The following PPP2R2B variants were observed in gnomAD, a reference collection of about 807,000 sequenced individuals.
The protein encoded by PPP2R2B is protein phosphatase 2 regulatory subunit Bbeta.
A neutral mutation model predicts 46.0 loss-of-function variants in PPP2R2B; 5 were observed. That is an observed-to-expected ratio of 0.11 (90% CI 0.06 to 0.23). The LOEUF is 0.23. Ranked by LOEUF, PPP2R2B falls within the 10% of genes least tolerant of loss-of-function variation. PPP2R2B has a pLI of 1.00. For synonymous variants in PPP2R2B, 215 were observed against 206.7 expected, an observed-to-expected ratio of 1.04 and a Z score of -0.34; for missense variants, 367 against 575.0, an observed-to-expected ratio of 0.64 and a Z score of 3.70.
chr5:146,835,778 A>C (rs1386045964), intron 2 of PPP2R2B, among the ~76,000 whole-genome samples: 1 of 152,162 alleles, frequency 6.6e-6, no homozygotes, highest in East Asian at 1.9e-4. Flanking sequence ...CATCATTTGT[A>C]AATAAGGCTG....
intron 1 of PPP2R2B, among the ~76,000 whole-genome samples, chr5:146,890,689 T>C (rs1047790484): frequency 1.3e-5 from 2 of 152,192 alleles, no homozygotes; most frequent in Non-Finnish European, 2.9e-5. Context: ...AAAATAATAA[T>C]ATTAAACATC....
intron 2 of PPP2R2B, among the ~76,000 whole-genome samples, chr5:146,796,435 C>G (rs1561913926): frequency 6.6e-6 from 1 of 152,286 alleles, no homozygotes; most frequent in East Asian, 1.9e-4. Flanking sequence ...TCTGACTGCT[C>G]TAGTAGCTAC....
chr5:146,996,877 C>T (rs1227576785), intron 1 of PPP2R2B, among the ~76,000 whole-genome samples: 2 of 152,112 alleles, frequency 1.3e-5, no homozygotes, highest in African/African-American at 4.8e-5. Flanking sequence ...ACTCCTGGAC[C>T]TTTCCAGATC....
intron 2 of PPP2R2B, among the ~76,000 whole-genome samples, chr5:146,712,812 T>C (rs1357654630): frequency 6.6e-6 from 1 of 152,186 alleles, no homozygotes; most frequent in African/African-American, 2.4e-5. Context: ...TATGAGTAGC[T>C]GTGTTCCCCT....
intron 2 of PPP2R2B, among the ~76,000 whole-genome samples, chr5:146,826,722 C>T (rs1758601287): frequency 6.6e-6 from 1 of 152,144 alleles, no homozygotes; most frequent in Non-Finnish European, 1.5e-5. Context: ...CATTACTTCT[C>T]ATCCATTTAA....
chr5:146,974,167 T>G (rs1286093496), intron 1 of PPP2R2B, among the ~76,000 whole-genome samples: 2 of 152,178 alleles, frequency 1.3e-5, no homozygotes, highest in Non-Finnish European at 1.5e-5. Flanking sequence ...TAATGCATAT[T>G]TTAAAAGAAC....
At chr5:147,058,736 C>T (rs1471528713), upstream of PPP2R2B, among the ~76,000 whole-genome samples, 1 of 152,168 alleles carries the variant, frequency 6.6e-6, no homozygotes, top group East Asian at 1.9e-4. Context: ...AGTGAATCTG[C>T]TGCAGGTAGT....
chr5:146,979,448 G>C (rs1050264142), intron 1 of PPP2R2B, among the ~76,000 whole-genome samples: 2 of 151,916 alleles, frequency 1.3e-5, no homozygotes, highest in Non-Finnish European at 2.9e-5. Context: ...GCTCACTGCT[G>C]TATCCTCAGT....
chr5:146,664,337 C>T (rs898463516), intron 5 of PPP2R2B, among the ~76,000 whole-genome samples: 30 of 152,234 alleles, frequency 2.0e-4, no homozygotes, highest in Admixed American at 8.5e-4. Flanking sequence ...TTAATATTGA[C>T]GTGATATTCT....
At chr5:146,855,074 A>G (rs928355047) in intron 2 of PPP2R2B, among the ~76,000 whole-genome samples, 2 of 152,114 alleles carry the variant, frequency 1.3e-5, no homozygotes, top group Admixed American at 1.3e-4. Flanking sequence ...GTTTCATCTC[A>G]TTAAAGTAAC....
intron 5 of PPP2R2B, among the ~76,000 whole-genome samples, chr5:146,658,536 A>C (rs1005749314): frequency 6.6e-6 from 1 of 152,202 alleles, no homozygotes; most frequent in African/African-American, 2.4e-5. Flanking sequence ...TTCAATGAGA[A>C]TACCATTCCC....
chr5:146,644,575 G>C lies in PPP2R2B; in HGVS notation c.625+5972C>G, dbSNP rs771363103. On this transcript the variant is annotated intron_variant, in intron 6 of 9. Coordinates refer to ENST00000394411, the MANE Select transcript of PPP2R2B (RefSeq NM_181675.4). Reference sequence around the variant, plus strand: ...CAGGAACCTCATCTCGATGGGTAAAGTTTGAGATAATATTGTGAAAAATAC... The same window carrying C: ...CAGGAACCTCATCTCGATGGGTAAACTTTGAGATAATATTGTGAAAAATAC... 1.4e-4 allele frequency among the ~76,000 whole-genome samples: 22 copies of C among 152,304 alleles called. No homozygotes were observed. In the Middle Eastern group the frequency reaches 0.01, roughly 71 times the overall value.
intron 1 of PPP2R2B, among the ~76,000 whole-genome samples, chr5:146,966,380 A>G (rs557353117): frequency 8.5e-5 from 13 of 152,226 alleles, no homozygotes; most frequent in African/African-American, 2.2e-4. Flanking sequence ...CCAGGGAGAT[A>G]CTGGGGTGTT....
intron 2 of PPP2R2B, among the ~76,000 whole-genome samples, chr5:146,736,782 G>A (rs185018835): frequency 2.0e-5 from 3 of 152,218 alleles, no homozygotes; most frequent in Admixed American, 1.3e-4. Flanking sequence ...GCAGCTTTGT[G>A]TTTTCATCCC....
intron 1 of PPP2R2B, among the ~76,000 whole-genome samples, chr5:146,912,835 C>T (rs1763240975): frequency 6.6e-6 from 1 of 151,820 alleles, no homozygotes; most frequent in African/African-American, 2.4e-5. Context: ...ATTCATTCAT[C>T]TGCTTATTAA....
intron 2 of PPP2R2B, among the ~76,000 whole-genome samples, chr5:146,714,112 C>A (rs370201626): frequency 3.3e-5 from 5 of 152,110 alleles, no homozygotes; most frequent in African/African-American, 1.2e-4. Flanking sequence ...GGGAAAAAAA[C>A]AAAGAGAATG....
chr5:146,681,363 CTTGGGTG>C (rs1299209756), intron 5 of PPP2R2B, among the ~76,000 whole-genome samples: 4 of 152,164 alleles, frequency 2.6e-5, no homozygotes, highest in Non-Finnish European at 5.9e-5. Context: ...CAATGCCCTG[CTTGGGTG>C]TTGTATGCCA....
Position 146,935,885 on chromosome 5 carries a change from A to T in PPP2R2B, c.79+119780T>A, listed in dbSNP as rs111852408. On this transcript the variant is annotated intron_variant, in intron 1 of 8. Transcript: ENST00000336640. ...GAGCTGGGTTTGATTCCCAGTTCTC[A>T]TCTTTCCCAGCAACTTAGGCAAGTT... Among the ~76,000 whole-genome samples, 32 of 152,258 alleles carry T rather than the reference A, an allele frequency of 2.1e-4. 3 individuals carry two copies. Among genetic ancestry groups the T allele is most frequent in the African/African-American group, 7.2e-4 (30 of 41,572 alleles).
intron 2 of PPP2R2B, among the ~76,000 whole-genome samples, chr5:146,798,123 G>T (rs977115267): frequency 6.6e-6 from 1 of 152,014 alleles, no homozygotes; most frequent in Non-Finnish European, 1.5e-5. Context: ...TGGTGAGTCT[G>T]GTTTTGAGCC....
Sources: gnomAD v4.1 joint callset for allele counts (sites outside exome capture counted in the v4.1 genomes callset) on GRCh38, gnomAD v4.1.1 for gene constraint, MANE v1.5 for transcripts, NCBI Gene and HGNC (gene_info 2026-07-23, HGNC 2026-07-21) for gene names.